The following C4BPA variants were observed in gnomAD, a reference collection of about 807,000 sequenced individuals.
C4BPA encodes complement component 4 binding protein alpha, also known as C4b-binding protein alpha chain.
In C4BPA, 31 loss-of-function variants were observed where a neutral mutation model predicts 63.7. The ratio of observed to expected loss-of-function variants is 0.49; its 90% CI spans 0.37 to 0.66. C4BPA has a LOEUF of 0.66. C4BPA is among the 30% of genes least tolerant of loss of function. The pLI is 0.00. For synonymous variants in C4BPA, 259 were observed against 254.7 expected, an observed-to-expected ratio of 1.02 and a Z score of -0.16; for missense variants, 572 against 723.3, an observed-to-expected ratio of 0.79 and a Z score of 2.40.
intron 4 of C4BPA, among the ~76,000 whole-genome samples, chr1:207,123,639 AG>A (rs898737584): frequency 1.3e-5 from 2 of 152,194 alleles, no homozygotes; most frequent in African/African-American, 4.8e-5. Context: ...AACACGCTGA[AG>A]CCAGCCTTTT....
intron 1 of C4BPA, among the ~76,000 whole-genome samples, chr1:207,110,697 G>A (rs1684650595): frequency 6.6e-6 from 1 of 152,080 alleles, no homozygotes; most frequent in Non-Finnish European, 1.5e-5. Flanking sequence ...TATCCTTTTT[G>A]AATGTAGCTA....
intron 1 of C4BPA, among the ~76,000 whole-genome samples, chr1:207,112,189 CAT>C (rs146131868): frequency 0.1 from 15,614 of 151,240 alleles, 966 homozygotes; most frequent in East Asian, 0.2. Flanking sequence ...GTATATTTTT[CAT>C]ATATATATAT....
chr1:207,125,446 T>C (rs1022505646), intron 6 of C4BPA, among the ~76,000 whole-genome samples: 1 of 152,210 alleles, frequency 6.6e-6, no homozygotes, highest in African/African-American at 2.4e-5. Flanking sequence ...AAACTCATGA[T>C]AAAACCTAAG....
intron 1 of C4BPA, among the ~76,000 whole-genome samples, chr1:207,112,583 A>G (rs1684691993): frequency 6.6e-6 from 1 of 152,174 alleles, no homozygotes; most frequent in Non-Finnish European, 1.5e-5. Flanking sequence ...TTATTCCCCA[A>G]GGAGTAAAGT....
At chr1:207,136,475 C>T (rs1037563526) in intron 9 of C4BPA, among the ~76,000 whole-genome samples, 2 of 152,318 alleles carry the variant, frequency 1.3e-5, no homozygotes, top group Middle Eastern at 3.4e-3. Flanking sequence ...TCCAATCTTT[C>T]TTCTTACAGG....
chr1:207,106,526 G>A (rs1025469997), intron 1 of C4BPA, among the ~76,000 whole-genome samples: 2 of 148,522 alleles, frequency 1.3e-5, no homozygotes, highest in African/African-American at 5.1e-5. Flanking sequence ...TGCAAGCTCC[G>A]TCTCCCGGGT....
At chr1:207,138,084 T>C (rs992346836) in intron 9 of C4BPA, among the ~76,000 whole-genome samples, 1 of 152,208 alleles carries the variant, frequency 6.6e-6, no homozygotes, top group Non-Finnish European at 1.5e-5. Context: ...TGGGGGACCT[T>C]AGAATTTTAT....
At chr1:207,105,313 T>C (rs1684535533) in intron 1 of C4BPA, among the ~76,000 whole-genome samples, 1 of 152,056 alleles carries the variant, frequency 6.6e-6, no homozygotes, top group Non-Finnish European at 1.5e-5. Context: ...ATCCCAGCAC[T>C]TTGGGAGGCC....
rs568809462 is a variant in C4BPA at position 207,104,411 on chromosome 1, C to T, written c.-45C>T. 1.3e-5 allele frequency: 2 copies of T among 152,380 alleles called. No homozygotes were observed. The highest frequency in any genetic ancestry group is 4.1e-4 in the South Asian group (2 of 4,830). 9.4% of individuals were successfully genotyped at this position (152,380 alleles called of 1,614,324 possible). ...CCAGATATCATCATAGAGTCTTCTG[C>T]TCTTCCTCAACTACCAAAGGTCGGT... is the stretch of plus-strand genomic sequence containing the variant. On this transcript the variant is annotated 5_prime_UTR_variant, in exon 1 of 12. Transcript: ENST00000367070.
intron 4 of C4BPA, 152 bp downstream of exon 4, chr1:207,115,667 TC>T: frequency 2.1e-6 from 1 of 473,722 alleles, no homozygotes; most frequent in Non-Finnish European, 3.7e-6. Context: ...TTCCTTCCCG[TC>T]CTCAAGCAAA....
chr1:207,113,219 G>C, intron 2 of C4BPA, 52 bp downstream of exon 2: 1 of 1,576,348 alleles, frequency 6.3e-7, no homozygotes, highest in Non-Finnish European at 8.6e-7. Context: ...AAGATCATCT[G>C]TGCATTCACT....
chr1:207,131,878 T>A, intron 8 of C4BPA, 138 bp downstream of exon 8: 1 of 625,594 alleles, frequency 1.6e-6, no homozygotes, highest in South Asian at 2.2e-5. Flanking sequence ...AAACTGTTAG[T>A]GCCAGAAGGG....
chr1:207,118,165 GTCT>G (rs1390809487), intron 4 of C4BPA, among the ~76,000 whole-genome samples: 7 of 77,082 alleles, frequency 9.1e-5, no homozygotes, highest in Admixed American at 4.4e-4. Context: ...CTGTCTGTCT[GTCT>G]ATCTATCTAT....
At chr1:207,123,564 G>A (rs1469940991) in intron 4 of C4BPA, among the ~76,000 whole-genome samples, 1 of 152,194 alleles carries the variant, frequency 6.6e-6, no homozygotes, top group African/African-American at 2.4e-5. Flanking sequence ...GAAGCTTCAA[G>A]CCAAAGATGG....
At chr1:207,141,852 T>A (rs2102367295) in intron 10 of C4BPA, among the ~76,000 whole-genome samples, 1 of 152,312 alleles carries the variant, frequency 6.6e-6, no homozygotes, top group Middle Eastern at 3.4e-3. Context: ...ATGACTTTGC[T>A]GTCAAAAACT....
Position 207,143,880 on chromosome 1 carries a change from G to A in C4BPA, c.1507G>A (p.Glu503Lys). The part of the protein sequence containing the change: ...RLSVDKDQYV[E>K]PENVTIQCDS... ...GTCTGTGGATAAGGATCAGTATGTT[G>A]AGCCTGAAAATGTCACCATCCAATG... is the stretch of plus-strand genomic sequence containing the variant. The change falls in exon 11 of 12, where the codon GAG becomes AAG. Residue 503 changes from glutamate to lysine, a missense_variant. By Grantham distance (56) the Glu-to-Lys change is moderately conservative (BLOSUM62 1). Transcript: ENST00000367070. 1 of 1,613,350 alleles carries A rather than the reference G, an allele frequency of 6.2e-7. No homozygotes were observed. The highest frequency in any genetic ancestry group is 1.1e-5 in the South Asian group (1 of 91,036).
chr1:207,105,358 G>A (rs971218935), intron 1 of C4BPA, among the ~76,000 whole-genome samples: 1 of 152,008 alleles, frequency 6.6e-6, no homozygotes, highest in Admixed American at 6.6e-5. Context: ...GGGAGTTCGA[G>A]ACCAGCCTGA....
intron 1 of C4BPA, among the ~76,000 whole-genome samples, chr1:207,109,898 T>C (rs758698828): frequency 1.3e-5 from 2 of 152,218 alleles, no homozygotes; most frequent in African/African-American, 2.4e-5. Flanking sequence ...TAAAATCAGG[T>C]AAAATCAGTC....
chr1:207,141,936 A>G (rs560396722), intron 10 of C4BPA, among the ~76,000 whole-genome samples: 18 of 152,278 alleles, frequency 1.2e-4, no homozygotes, highest in Admixed American at 1.1e-3. Flanking sequence ...TTTTTTTATT[A>G]TACTTTAAGT....
Sources: allele counts gnomAD v4.1 joint callset (sites outside exome capture counted in the v4.1 genomes callset), GRCh38; gene constraint gnomAD v4.1.1; transcripts MANE v1.5; gene names NCBI Gene and HGNC (gene_info 2026-07-23, HGNC 2026-07-21).